The following KCNH8 variants were observed in gnomAD, a reference collection of about 807,000 sequenced individuals.
KCNH8 encodes the protein potassium voltage-gated channel subfamily H member 8, also known as voltage-gated delayed rectifier potassium channel KCNH8.
A neutral mutation model predicts 103.6 loss-of-function variants in KCNH8; 70 were observed. The ratio of observed to expected loss-of-function variants is 0.68; its 90% confidence interval spans 0.56 to 0.82. The LOEUF (loss-of-function observed/expected upper bound fraction) is 0.82, where lower values mean the gene tolerates loss of function less well. Ranked by LOEUF, KCNH8 falls within the 40% of genes least tolerant of loss-of-function variation. KCNH8 has a pLI of 0.00. For synonymous variants in KCNH8, 498 were observed against 489.4 expected, an observed-to-expected ratio of 1.02 and a Z score of -0.23; for missense variants, 1,217 against 1,329.9, an observed-to-expected ratio of 0.92 and a Z score of 1.32.
At position 19,535,429 on chromosome 3, in the gene KCNH8, C is replaced by T. The variant is rs576803226; in HGVS notation, c.*1330C>T. 6.6e-6 allele frequency: 1 copy of T among 152,328 alleles called. No individual in the cohort carries two copies. Among genetic ancestry groups the T allele is most frequent in the Admixed American group, 6.5e-5 (1 of 15,302 alleles). The allele number at this position is 152,328 out of a possible 1,614,324, so 9.4% of individuals were successfully genotyped here. A position where few individuals can be genotyped will look rare whatever the true frequency, so the allele number is the denominator to read the frequency against. On this transcript the variant is annotated 3_prime_UTR_variant, in exon 16 of 16. Coordinates refer to ENST00000328405, the MANE Select transcript of KCNH8 (RefSeq NM_144633.3). ...GACACAGTCTAGAATCCATAATGCT[C>T]CCTACATCTCACACTAACAGGCAAA...
intron 2 of KCNH8, among the ~76,000 whole-genome samples, chr3:19,254,335 T>TA (rs150149489): frequency 3.0e-4 from 45 of 148,104 alleles, no homozygotes; most frequent in East Asian, 1.6e-3. Flanking sequence ...GGAAGTCAGT[T>TA]AAAAAAAAAA....
rs189964897 is a variant in KCNH8 at position 19,177,615 on chromosome 3, A to G, written c.76+28820A>G. Among the ~76,000 whole-genome samples, 13 of 152,194 alleles carry G rather than the reference A, an allele frequency of 8.5e-5. No individual in the cohort carries two copies. The East Asian group carries it at 2.3e-3, about 27-fold the overall frequency. On this transcript the variant is annotated intron_variant, in intron 1 of 15. Coordinates refer to ENST00000328405, the MANE Select transcript of KCNH8 (RefSeq NM_144633.3). ...TATTTAAATGCATGTATATTTAAATACATGTGTATTATTTTTATACACCTA... is the reference window on the plus strand; with the variant it reads ...TATTTAAATGCATGTATATTTAAATGCATGTGTATTATTTTTATACACCTA...
At chr3:19,339,680 A>G (rs2065631889) in intron 3 of KCNH8, among the ~76,000 whole-genome samples, 1 of 152,070 alleles carries the variant, frequency 6.6e-6, no homozygotes, top group Non-Finnish European at 1.5e-5. Flanking sequence ...TTTTATTTTC[A>G]ATATTCTTTC....
chr3:19,498,074 G>A (rs2068483826), intron 11 of KCNH8, among the ~76,000 whole-genome samples: 2 of 152,104 alleles, frequency 1.3e-5, no homozygotes, highest in South Asian at 4.1e-4. Flanking sequence ...GCCTTTTCCT[G>A]TTTTCCATTT....
chr3:19,492,143 T>TCA (rs2068336742), intron 11 of KCNH8, among the ~76,000 whole-genome samples: 1 of 152,110 alleles, frequency 6.6e-6, no homozygotes, highest in Non-Finnish European at 1.5e-5. Flanking sequence ...ACTCTCTTGA[T>TCA]AGTTTCTTTT....
At position 19,381,754 on chromosome 3, in the gene KCNH8, A is replaced by G. The variant is rs184996164; in HGVS notation, c.812-8727A>G. Reference sequence around the variant, plus strand: ...GGATTGGAGGAATATACAGAGCAACATGAAATTTCATACACTGCATATAAG... The same window carrying G: ...GGATTGGAGGAATATACAGAGCAACGTGAAATTTCATACACTGCATATAAG... On this transcript the variant is annotated intron_variant, in intron 5 of 15. Transcript: ENST00000328405. 3.6e-4 allele frequency among the ~76,000 whole-genome samples: 55 copies of G among 152,330 alleles called. No individual in the cohort carries two copies. The East Asian group carries it at 8.3e-3, about 23-fold the overall frequency.
intron 11 of KCNH8, among the ~76,000 whole-genome samples, chr3:19,504,240 A>T (rs148235699): frequency 2.0e-4 from 30 of 152,358 alleles, no homozygotes; most frequent in African/African-American, 7.0e-4. Context: ...AAACCCTGGA[A>T]GACAACCTTG....
chr3:19,348,008 A>G (rs780332208), intron 5 of KCNH8, 43 bp downstream of exon 5: 5 of 1,596,520 alleles, frequency 3.1e-6, no homozygotes, highest in Non-Finnish European at 4.3e-6. Flanking sequence ...TGCATATGAG[A>G]AGTGAAGTGT....
intron 5 of KCNH8, among the ~76,000 whole-genome samples, chr3:19,349,068 C>G (rs376862542): frequency 6.7e-4 from 101 of 151,784 alleles, no homozygotes; most frequent in African/African-American, 2.4e-3. Flanking sequence ...CCCTTCAGAG[C>G]CTTGATAGGA....
At chr3:19,324,013 C>T (rs2065386697) in intron 3 of KCNH8, among the ~76,000 whole-genome samples, 1 of 152,114 alleles carries the variant, frequency 6.6e-6, no homozygotes, top group Non-Finnish European at 1.5e-5. Context: ...TTCGAGAGCA[C>T]ATCAGCTGTA....
At chr3:19,337,071 A>G (rs1027095141) in intron 3 of KCNH8, among the ~76,000 whole-genome samples, 1 of 152,084 alleles carries the variant, frequency 6.6e-6, no homozygotes, top group South Asian at 2.1e-4. Context: ...GGACAGGCTC[A>G]CAGCTCAATG....
intron 11 of KCNH8, among the ~76,000 whole-genome samples, chr3:19,497,649 T>C (rs1013376942): frequency 6.6e-6 from 1 of 152,200 alleles, no homozygotes; most frequent in Non-Finnish European, 1.5e-5. Flanking sequence ...GAGGGTTATT[T>C]TATGTCTGAT....
intron 3 of KCNH8, 116 bp downstream of exon 3, chr3:19,281,445 A>G: frequency 1.1e-6 from 1 of 889,146 alleles, no homozygotes; most frequent in Non-Finnish European, 1.7e-6. Context: ...AAATATTCGT[A>G]ACTGTTAGCA....
intron 1 of KCNH8, among the ~76,000 whole-genome samples, chr3:19,193,431 A>G (rs2063571805): frequency 6.6e-6 from 1 of 151,668 alleles, no homozygotes; most frequent in South Asian, 2.1e-4. Context: ...GTTTAATTTA[A>G]CAAACATTTA....
intron 1 of KCNH8, among the ~76,000 whole-genome samples, chr3:19,173,264 T>G (rs1354542266): frequency 6.6e-6 from 1 of 152,078 alleles, no homozygotes; most frequent in African/African-American, 2.4e-5. Context: ...CTTGAAGAAG[T>G]GATTTCTCCC....
intron 7 of KCNH8, among the ~76,000 whole-genome samples, chr3:19,410,026 A>G (rs2066753182): frequency 6.6e-6 from 1 of 152,174 alleles, no homozygotes; most frequent in Non-Finnish European, 1.5e-5. Context: ...ACTGGACCTA[A>G]TAAACATCTA....
At chr3:19,195,865 G>T (rs758731378) in intron 1 of KCNH8, among the ~76,000 whole-genome samples, 1 of 151,902 alleles carries the variant, frequency 6.6e-6, no homozygotes, top group Non-Finnish European at 1.5e-5. Context: ...TCTTGTAATT[G>T]GATTTTCCTG....
intron 1 of KCNH8, among the ~76,000 whole-genome samples, chr3:19,156,421 C>T (rs2063181651): frequency 6.6e-6 from 1 of 152,142 alleles, no homozygotes; most frequent in Admixed American, 6.5e-5. Context: ...TAGTTTCTAG[C>T]TCTTGCAAAT....
chr3:19,458,215 T>A (rs953043128), intron 11 of KCNH8, among the ~76,000 whole-genome samples: 6 of 151,964 alleles, frequency 3.9e-5, no homozygotes, highest in Admixed American at 3.9e-4. Context: ...CTGTTAAATA[T>A]GTTGCCTCAT....
Sources: gnomAD v4.1 joint callset for allele counts (sites outside exome capture counted in the v4.1 genomes callset) on GRCh38, gnomAD v4.1.1 for gene constraint, MANE v1.5 for transcripts, NCBI Gene and HGNC (gene_info 2026-07-23, HGNC 2026-07-21) for gene names.